Variants in ZFAND3 observed in about 807,000 individuals in gnomAD.
ZFAND3 encodes the protein zinc finger AN1-type containing 3, also known as AN1-type zinc finger protein 3.
A neutral mutation model predicts 29.6 loss-of-function variants in ZFAND3; 10 were observed. The observed-to-expected ratio is 0.34, with a 90% CI of 0.21 to 0.57. The LOEUF (loss-of-function observed/expected upper bound fraction) is 0.57, where lower values mean the gene tolerates loss of function less well. Among genes scored for constraint, ZFAND3 ranks in the 20% least tolerant of loss-of-function variants. The pLI is 0.86. For missense variants in ZFAND3, 230 were observed against 304.5 expected, an observed-to-expected ratio of 0.76 and a Z score of 1.82; for synonymous variants, 128 against 112.6, an observed-to-expected ratio of 1.14 and a Z score of -0.87.
chr6:37,945,045 C>T (rs535118503), intron 2 of ZFAND3, among the ~76,000 whole-genome samples: 1 of 152,214 alleles, frequency 6.6e-6, no homozygotes, highest in East Asian at 1.9e-4. Flanking sequence ...TGGGTGCTCC[C>T]GGAACTGTCT....
chr6:38,077,242 A>AAT (rs1303680472), intron 3 of ZFAND3, among the ~76,000 whole-genome samples: 4 of 152,044 alleles, frequency 2.6e-5, no homozygotes. Flanking sequence ...GAAGGGAGAG[A>AAT]ATTGTAGCCC....
In ZFAND3 at chr6:38,091,846, A is replaced by G. The variant is rs182470960; in HGVS notation, c.361+9389A>G. The stretch of plus-strand genomic sequence containing the variant: ...GAGGCCTTATTACTGCTCATCAGCA[A>G]TTATAAACAGGATAAAGTGTCTGGG... On this transcript the variant is annotated intron_variant, in intron 4 of 5. Transcript: ENST00000287218. Among the ~76,000 whole-genome samples, 211 of 151,624 alleles carry G rather than the reference A, an allele frequency of 1.4e-3. 1 individual carries two copies. The highest frequency in any genetic ancestry group is 2.3e-3 in the Non-Finnish European group (157 of 68,016).
At chr6:38,152,089 T>C (rs548773652) in intron 5 of ZFAND3, 146 bp from the exon 6 acceptor site, 41 of 713,622 alleles carry the variant, frequency 5.7e-5, no homozygotes, top group Middle Eastern at 4.3e-4. Flanking sequence ...TGGAGTGAGC[T>C]CTCTGCTGCA....
intron 1 of ZFAND3, among the ~76,000 whole-genome samples, chr6:37,914,098 A>G (rs976966897): frequency 3.9e-5 from 6 of 152,168 alleles, no homozygotes; most frequent in African/African-American, 1.2e-4. Flanking sequence ...TCCATGGGCT[A>G]CAGAATGAAT....
intron 5 of ZFAND3, among the ~76,000 whole-genome samples, chr6:38,125,390 C>T (rs543406355): frequency 6.6e-6 from 1 of 152,318 alleles, no homozygotes; most frequent in African/African-American, 2.4e-5. Context: ...GAGACCCAGC[C>T]TACCCTATGT....
intron 2 of ZFAND3, among the ~76,000 whole-genome samples, chr6:37,931,938 T>G (rs534500738): frequency 2.6e-5 from 4 of 152,250 alleles, no homozygotes; most frequent in Admixed American, 6.5e-5. Context: ...TATTGGTGGG[T>G]TTTTATTCAG....
rs1761564396 is a variant in ZFAND3, at chr6:37,930,017, G to A, written c.112+18G>A. The A allele has an allele frequency of 6.4e-7, 1 of 1,556,968 alleles. No homozygotes were observed. Among genetic ancestry groups the A allele is most frequent in the African/African-American group, 1.4e-5 (1 of 72,288 alleles). ...CTTTGCTGGTAAGTGCAGAAAAAGG[G>A]TTTTTTAATTTACTTTCATTTTTCT... On this transcript the variant is annotated intron_variant, in intron 2 of 5. Coordinates refer to ENST00000287218, the MANE Select transcript of ZFAND3 (RefSeq NM_021943.3).
At chr6:37,855,406 C>A (rs1198138535) in intron 1 of ZFAND3, among the ~76,000 whole-genome samples, 28 of 151,818 alleles carry the variant, frequency 1.8e-4, no homozygotes, top group Admixed American at 1.8e-3. Flanking sequence ...CTTGCCTTGG[C>A]CTCCCAAAGT....
chr6:38,001,131 T>A (rs1272218161), intron 2 of ZFAND3, among the ~76,000 whole-genome samples: 1 of 152,202 alleles, frequency 6.6e-6, no homozygotes, highest in Non-Finnish European at 1.5e-5. Flanking sequence ...TTTTAAAAAA[T>A]CTTCAAAATA....
At chr6:37,990,516 TAG>T (rs760477763) in intron 2 of ZFAND3, among the ~76,000 whole-genome samples, 9 of 152,156 alleles carry the variant, frequency 5.9e-5, no homozygotes, top group Non-Finnish European at 1.2e-4. Context: ...TCTTTTTGGT[TAG>T]AGTGTGTCTG....
At chr6:37,953,781 A>G (rs1009638165) in intron 2 of ZFAND3, among the ~76,000 whole-genome samples, 2 of 152,158 alleles carry the variant, frequency 1.3e-5, no homozygotes, top group Admixed American at 1.3e-4. Context: ...AAGAGATTTA[A>G]TTAAGAAGAT....
chr6:38,132,862 C>T (rs1273822540), intron 5 of ZFAND3, among the ~76,000 whole-genome samples: 1 of 152,236 alleles, frequency 6.6e-6, no homozygotes, highest in African/African-American at 2.4e-5. Context: ...CTCATTCCCC[C>T]TCACTCTGCC....
chr6:37,996,217 A>G (rs1762847328), intron 2 of ZFAND3, among the ~76,000 whole-genome samples: 1 of 152,194 alleles, frequency 6.6e-6, no homozygotes, highest in Non-Finnish European at 1.5e-5. Context: ...TAATTTTCCA[A>G]CACCAGACAA....
At chr6:37,944,960 G>A (rs1388614472) in intron 2 of ZFAND3, among the ~76,000 whole-genome samples, 1 of 152,218 alleles carries the variant, frequency 6.6e-6, no homozygotes, top group African/African-American at 2.4e-5. Flanking sequence ...TAATCAAGGG[G>A]TGGAGTATTC....
chr6:38,088,838 A>G (rs1010761229), intron 4 of ZFAND3, among the ~76,000 whole-genome samples: 11 of 152,220 alleles, frequency 7.2e-5, no homozygotes, highest in African/African-American at 2.7e-4. Context: ...GTGAGGCCAT[A>G]AGGGAGCTGT....
chr6:38,005,873 C>CA (rs1327594376), intron 2 of ZFAND3, among the ~76,000 whole-genome samples: 3 of 152,194 alleles, frequency 2.0e-5, no homozygotes, highest in African/African-American at 7.2e-5. Context: ...CAGGGGACAT[C>CA]AGCACATATA....
intron 2 of ZFAND3, among the ~76,000 whole-genome samples, chr6:38,017,745 TC>T (rs1320112096): frequency 1.3e-5 from 2 of 152,148 alleles, no homozygotes; most frequent in African/African-American, 4.8e-5. Flanking sequence ...ATTTCAGTCT[TC>T]CGGGAAACTC....
chr6:38,059,757 A>G (rs1212325993), intron 2 of ZFAND3, among the ~76,000 whole-genome samples: 1 of 152,058 alleles, frequency 6.6e-6, no homozygotes, highest in African/African-American at 2.4e-5. Flanking sequence ...CACGTCTGTA[A>G]TCCCAGCTAC....
chr6:38,049,716 T>C (rs1294837290), intron 2 of ZFAND3, among the ~76,000 whole-genome samples: 2 of 152,182 alleles, frequency 1.3e-5, no homozygotes, highest in Non-Finnish European at 2.9e-5. Flanking sequence ...AAGATCATTG[T>C]CATCTTCTCT....
Sources: allele counts gnomAD v4.1 joint callset (sites outside exome capture counted in the v4.1 genomes callset), GRCh38; gene constraint gnomAD v4.1.1; transcripts MANE v1.5; gene names NCBI Gene and HGNC (gene_info 2026-07-23, HGNC 2026-07-21).